Variants in SNX27 observed in about 807,000 individuals in gnomAD.
SNX27 encodes the protein sorting nexin 27, also known as sorting nexin-27.
SNX27 carries 22 observed loss-of-function variants against 71.6 expected under a neutral mutation model. That is an observed-to-expected ratio of 0.31 (90% CI 0.22 to 0.44). SNX27 has a LOEUF of 0.44. Ranked by LOEUF, SNX27 falls within the 20% of genes least tolerant of loss-of-function variation. The probability of loss-of-function intolerance (pLI) is 1.00; values close to 1 mark genes in which losing one functional copy is unlikely to be tolerated. For missense variants in SNX27, 531 were observed against 698.6 expected, an observed-to-expected ratio of 0.76 and a Z score of 2.70; for synonymous variants, 269 against 277.2, an observed-to-expected ratio of 0.97 and a Z score of 0.29.
At chr1:151,668,212 A>T (rs182802444) in intron 6 of SNX27, among the ~76,000 whole-genome samples, 30 of 152,318 alleles carry the variant, frequency 2.0e-4, no homozygotes, top group Non-Finnish European at 8.8e-5. Flanking sequence ...GGTGACAAAT[A>T]TCCAAACCAC....
At chr1:151,622,914 A>G (rs1667738631) in intron 1 of SNX27, among the ~76,000 whole-genome samples, 1 of 151,750 alleles carries the variant, frequency 6.6e-6, no homozygotes, top group Non-Finnish European at 1.5e-5. Flanking sequence ...TCAGCCTCCC[A>G]AGTAGCTGGG....
chr1:151,656,126 G>T (rs1337798433), intron 2 of SNX27, among the ~76,000 whole-genome samples: 1 of 151,884 alleles, frequency 6.6e-6, no homozygotes, highest in Non-Finnish European at 1.5e-5. Context: ...GGGAGGCAGA[G>T]GCAGGAGAAT....
At chr1:151,655,008 C>CT (rs1379957585) in intron 2 of SNX27, among the ~76,000 whole-genome samples, 3 of 151,938 alleles carry the variant, frequency 2.0e-5, no homozygotes, top group Admixed American at 2.0e-4. Flanking sequence ...AATTTTCATG[C>CT]TTTTTTATAT....
chr1:151,655,802 G>C (rs1669656179), intron 2 of SNX27, among the ~76,000 whole-genome samples: 1 of 152,162 alleles, frequency 6.6e-6, no homozygotes, highest in South Asian at 2.1e-4. Context: ...TTTTATTTAG[G>C]GATGATTTGA....
chr1:151,625,318 C>A (rs966766405), intron 1 of SNX27, among the ~76,000 whole-genome samples: 8 of 151,868 alleles, frequency 5.3e-5, no homozygotes, highest in African/African-American at 1.9e-4. Context: ...CTAGCCTGGC[C>A]AACATGGTGA....
chr1:151,654,704 A>G (rs1359964758), intron 2 of SNX27, among the ~76,000 whole-genome samples: 1 of 152,122 alleles, frequency 6.6e-6, no homozygotes, highest in African/African-American at 2.4e-5. Context: ...CATCTGGTGA[A>G]GGCCTTTCTG....
intron 8 of SNX27, among the ~76,000 whole-genome samples, chr1:151,687,777 T>A (rs966849526): frequency 1.3e-5 from 2 of 152,020 alleles, no homozygotes; most frequent in African/African-American, 4.8e-5. Context: ...TGAAACCTCG[T>A]CTCGACTAAA....
chr1:151,652,468 G>A (rs963840279), intron 2 of SNX27, among the ~76,000 whole-genome samples: 35 of 149,664 alleles, frequency 2.3e-4, no homozygotes, highest in Non-Finnish European at 1.5e-5. Context: ...GAGTGCAGTG[G>A]TGTGATCTCG....
rs765059258 is a variant in SNX27 at position 151,612,154 on chromosome 1, A to G, written c.-48A>G. 2,655 of 1,283,266 alleles carry G rather than the reference A, an allele frequency of 2.1e-3. 1 individual carries two copies. The highest frequency in any genetic ancestry group is 2.5e-3 in the Non-Finnish European group (2,533 of 1,013,392). 79.5% of individuals were successfully genotyped at this position (1,283,266 alleles called of 1,614,324 possible). A position where few individuals can be genotyped will look rare whatever the true frequency, so the allele number is the denominator to read the frequency against. On this transcript the variant is annotated 5_prime_UTR_variant, in exon 1 of 12. Coordinates refer to ENST00000458013, the MANE Select transcript of SNX27 (RefSeq NM_001330723.2). This position sits in a 1 kb window ranked among gnomAD's most constrained non-coding sequence, Gnocchi z 5.2. ...CCAGGCAGGGCGAGCACGCGCCGGG[A>G]GGCCTTGGAGGCGTAGGGGGCGGGG...
At chr1:151,648,999 G>A (rs1669200375) in intron 2 of SNX27, among the ~76,000 whole-genome samples, 1 of 150,986 alleles carries the variant, frequency 6.6e-6, no homozygotes, top group African/African-American at 2.4e-5. Context: ...GTCTTGCTCT[G>A]TTGCCCAGGC....
chr1:151,633,052 C>T (rs184367759), intron 1 of SNX27, among the ~76,000 whole-genome samples: 201 of 151,476 alleles, frequency 1.3e-3, no homozygotes, highest in African/African-American at 4.8e-3. Context: ...TTTTGTATTT[C>T]TAGTAGAGAT....
chr1:151,656,066 A>G (rs1196464), intron 2 of SNX27, among the ~76,000 whole-genome samples: 84,054 of 151,698 alleles, frequency 0.55, 24,886 homozygotes, highest in Non-Finnish European at 0.68. Context: ...TACTAAAAAT[A>G]CAAAAAATTA....
chr1:151,624,811 G>C (rs1301813141), intron 1 of SNX27, among the ~76,000 whole-genome samples: 1 of 152,018 alleles, frequency 6.6e-6, no homozygotes, highest in Admixed American at 6.6e-5. Context: ...TGAATGACAA[G>C]TATGATTCAT....
At chr1:151,693,219 A>G (rs1671539455) in intron 10 of SNX27, 180 bp downstream of exon 10, 2 of 994,000 alleles carry the variant, frequency 2.0e-6, no homozygotes, top group African/African-American at 1.6e-5. Context: ...GGAATTGGCA[A>G]TTTCCTATCC....
Position 151,693,843 on chromosome 1 carries a change from C to T in SNX27, c.1578+360C>T, listed in dbSNP as rs574693530. 3.5e-4 allele frequency: 507 copies of T among 1,433,228 alleles called. 2 individuals are homozygous for T. Among genetic ancestry groups the T allele is most frequent in the Middle Eastern group, 2.6e-4 (1 of 3,880 alleles). The allele number at this position is 1,433,228 out of a possible 1,614,324, so 88.8% of individuals were successfully genotyped here. ...CTGTCCTCAGTTGTAGCCGTCTTGA[C>T]TGGATGAGTCCTGGCAGTCTTTCTA... On this transcript the variant is annotated intron_variant, in intron 11 of 11. Transcript: ENST00000458013.
intron 1 of SNX27, among the ~76,000 whole-genome samples, chr1:151,633,116 CCCT>C (rs1668316117): frequency 6.6e-6 from 1 of 152,114 alleles, no homozygotes; most frequent in African/African-American, 2.4e-5. Context: ...TCGTGATCTG[CCCT>C]CCTCAGCCTC....
At chr1:151,668,760 A>AC in intron 7 of SNX27, 125 bp downstream of exon 7, 4 of 720,034 alleles carry the variant, frequency 5.6e-6, no homozygotes, top group Non-Finnish European at 8.7e-6. Context: ...TTACATTTGT[A>AC]AAATGTTCTA....
intron 1 of SNX27, among the ~76,000 whole-genome samples, chr1:151,628,311 C>T (rs934639093): frequency 2.0e-5 from 3 of 152,144 alleles, no homozygotes; most frequent in Admixed American, 2.0e-4. Context: ...CCGACCTTTT[C>T]TTGGCTTAAT....
chr1:151,628,121 C>T (rs947385784), intron 1 of SNX27, among the ~76,000 whole-genome samples: 2 of 151,712 alleles, frequency 1.3e-5, no homozygotes, highest in East Asian at 1.9e-4. Flanking sequence ...ATTCTCCTGC[C>T]GCAGCCTCTT....
Sources: allele counts gnomAD v4.1 joint callset (sites outside exome capture counted in the v4.1 genomes callset), GRCh38; gene constraint gnomAD v4.1.1; non-coding constraint Gnocchi (gnomAD v3.1); transcripts MANE v1.5; gene names NCBI Gene and HGNC (gene_info 2026-07-23, HGNC 2026-07-21).